The following NRXN3 variants were observed in gnomAD, a reference collection of about 807,000 sequenced individuals.
The protein encoded by NRXN3 is neurexin 3, also known as neurexin III.
NRXN3 carries 32 observed loss-of-function variants against 137.6 expected under a neutral mutation model. That is an observed-to-expected ratio of 0.23 (90% CI 0.18 to 0.31). The LOEUF is 0.31. Ranked by LOEUF, NRXN3 falls within the 10% of genes least tolerant of loss-of-function variation. The pLI is 1.00. For missense variants in NRXN3, 1,574 were observed against 2,062.5 expected (o/e 0.76, Z 4.59); for synonymous variants, 798 against 784.5 (o/e 1.02, Z -0.29).
At chr14:79,565,275 G>A (rs1277462681) in intron 16 of NRXN3, among the ~76,000 whole-genome samples, 8 of 89,836 alleles carry the variant, frequency 8.9e-5, no homozygotes, top group East Asian at 3.6e-4. Flanking sequence ...ATGTGTGTGT[G>A]TATACATATA....
chr14:78,793,949 A>T (rs564685829), intron 8 of NRXN3, among the ~76,000 whole-genome samples: 30 of 152,284 alleles, frequency 2.0e-4, no homozygotes, highest in African/African-American at 7.0e-4. Flanking sequence ...AGATCTTTTG[A>T]GTTAACCCTT....
rs181376731 is a variant in NRXN3 at position 79,571,608 on chromosome 14, T to C, written c.3445-92170T>C. 2.5e-4 allele frequency among the ~76,000 whole-genome samples: 38 copies of C among 152,250 alleles called. No individual in the cohort carries two copies. The East Asian group carries it at 7.2e-3, about 29-fold the overall frequency. On this transcript the variant is annotated intron_variant, in intron 16 of 20. Transcript: ENST00000335750. ...AAGTCTTTTGATCTAGCGGAGTCCATAGGATCATTTTTCCCGTGGGCCAGA... is the reference window on the plus strand; with the variant it reads ...AAGTCTTTTGATCTAGCGGAGTCCACAGGATCATTTTTCCCGTGGGCCAGA...
intron 10 of NRXN3, among the ~76,000 whole-genome samples, chr14:78,930,150 C>T (rs2099317608): frequency 6.6e-6 from 1 of 152,072 alleles, no homozygotes; most frequent in Non-Finnish European, 1.5e-5. Context: ...CCCTGCTGGC[C>T]TGTAAGTAAT....
At chr14:78,173,245 GA>G (rs34186704) in intron 1 of NRXN3, among the ~76,000 whole-genome samples, 5 of 150,642 alleles carry the variant, frequency 3.3e-5, no homozygotes, top group African/African-American at 7.3e-5. Context: ...CTCGCTCCTG[GA>G]AAAAAAATCC....
chr14:78,527,521 A>C (rs140939950), intron 4 of NRXN3, among the ~76,000 whole-genome samples: 48 of 152,238 alleles, frequency 3.2e-4, no homozygotes, highest in Admixed American at 1.4e-3. Flanking sequence ...TGGGGATTAC[A>C]ATTGAGCTTG....
intron 9 of NRXN3, among the ~76,000 whole-genome samples, chr14:78,804,859 G>C (rs1347589073): frequency 3.9e-5 from 6 of 152,164 alleles, no homozygotes; most frequent in Admixed American, 3.3e-4. Flanking sequence ...AGACAGCTGG[G>C]TCCAAACTTT....
intron 4 of NRXN3, among the ~76,000 whole-genome samples, chr14:78,304,125 C>G (rs2077133686): frequency 6.6e-6 from 1 of 152,138 alleles, no homozygotes; most frequent in Non-Finnish European, 1.5e-5. Context: ...CCTCATGACC[C>G]CAAATCACTG....
rs559819603 is a variant in NRXN3, at chr14:78,579,267, T to G, written c.758-65853T>G. Among the ~76,000 whole-genome samples the G allele has an allele frequency of 5.9e-5, 9 of 152,320 alleles. 1 individual carries two copies. The East Asian group carries it at 1.7e-3, about 29-fold the overall frequency. ...GCCTTAAAGATCATTGTTGGCTGCT[T>G]CTTGATGGCAAAGTGCTCAGTTAGA... On this transcript the variant is annotated intron_variant, in intron 4 of 20. Transcript: ENST00000335750.
At chr14:79,410,383 A>G (rs1163510316) in intron 15 of NRXN3, among the ~76,000 whole-genome samples, 1 of 151,968 alleles carries the variant, frequency 6.6e-6, no homozygotes, top group African/African-American at 2.4e-5. Context: ...TATTATTTAT[A>G]GGGGCTTCTT....
intron 16 of NRXN3, among the ~76,000 whole-genome samples, chr14:79,486,328 T>C (rs192869758): frequency 7.0e-4 from 107 of 152,360 alleles, no homozygotes; most frequent in Non-Finnish European, 1.4e-3. Context: ...TATGTATATA[T>C]GTATGTAGAA....
At chr14:79,147,082 A>G (rs182434865) in intron 15 of NRXN3, among the ~76,000 whole-genome samples, 85 of 152,266 alleles carry the variant, frequency 5.6e-4, no homozygotes, top group African/African-American at 1.7e-3. Context: ...CAGATTTAAA[A>G]GACATCCAAA....
At chr14:79,104,819 A>G (rs1344259332) in intron 15 of NRXN3, among the ~76,000 whole-genome samples, 1 of 141,468 alleles carries the variant, frequency 7.1e-6, no homozygotes, top group Non-Finnish European at 1.5e-5. Flanking sequence ...TAATCTTATG[A>G]TAGGGCTTTT....
At chr14:78,993,725 G>C (rs2099523619) in intron 15 of NRXN3, among the ~76,000 whole-genome samples, 1 of 151,610 alleles carries the variant, frequency 6.6e-6, no homozygotes, top group Non-Finnish European at 1.5e-5. Context: ...AACATGAACA[G>C]TGTATAGCGA....
chr14:79,666,370 C>A (rs989501106), intron 17 of NRXN3, among the ~76,000 whole-genome samples: 2 of 151,966 alleles, frequency 1.3e-5, no homozygotes, highest in South Asian at 2.1e-4. Flanking sequence ...TAAGTCAATC[C>A]TCAATAAATG....
At chr14:78,646,549 C>G (rs79733654) in intron 5 of NRXN3, among the ~76,000 whole-genome samples, 18 of 152,154 alleles carry the variant, frequency 1.2e-4, no homozygotes, top group Non-Finnish European at 1.9e-4. Flanking sequence ...TGTCTGCCTA[C>G]GTTTTCTGTT....
intron 14 of NRXN3, among the ~76,000 whole-genome samples, chr14:78,971,458 A>T (rs141280824): frequency 1.3e-4 from 20 of 152,080 alleles, no homozygotes; most frequent in Admixed American, 3.9e-4. Flanking sequence ...ACACACACAG[A>T]TAGATAAGTA....
intron 15 of NRXN3, among the ~76,000 whole-genome samples, chr14:79,112,820 A>T (rs1189572456): frequency 1.3e-5 from 2 of 152,210 alleles, no homozygotes; most frequent in Non-Finnish European, 2.9e-5. Flanking sequence ...GTTACAAGTA[A>T]ATTTTTTGAT....
chr14:78,220,488 T>C (rs930126630), intron 1 of NRXN3, among the ~76,000 whole-genome samples: 1 of 151,944 alleles, frequency 6.6e-6, no homozygotes, highest in African/African-American at 2.4e-5. Context: ...GGGAGAGCTG[T>C]GTGAGTCAGG....
At chr14:79,008,661 CTTTTTT>C (rs372617673) in intron 15 of NRXN3, among the ~76,000 whole-genome samples, 3 of 130,818 alleles carry the variant, frequency 2.3e-5, no homozygotes, top group Non-Finnish European at 3.3e-5. Flanking sequence ...TTTCTCTTTG[CTTTTTT>C]TTTTTTTTTT....
Sources: gnomAD v4.1 joint callset for allele counts (sites outside exome capture counted in the v4.1 genomes callset) on GRCh38, gnomAD v4.1.1 for gene constraint, MANE v1.5 for transcripts, NCBI Gene and HGNC (gene_info 2026-07-23, HGNC 2026-07-21) for gene names.